Variants in FCAR observed in about 807,000 individuals in gnomAD.
FCAR encodes the protein Fc alpha receptor.
A neutral mutation model predicts 27.1 loss-of-function variants in FCAR; 21 were observed. The ratio of observed to expected loss-of-function variants is 0.77; its 90% CI spans 0.55 to 1.11. The LOEUF (loss-of-function observed/expected upper bound fraction) is 1.11. Among genes scored for constraint, FCAR ranks in the 50% most tolerant of loss-of-function variants. The pLI, the probability that FCAR is intolerant of heterozygous loss-of-function variation, is 0.00. For missense variants in FCAR, 404 were observed against 358.4 expected, an observed-to-expected ratio of 1.13 and a Z score of -1.03; for synonymous variants, 134 against 135.8, an observed-to-expected ratio of 0.99 and a Z score of 0.09.
At chr19:54,876,971 A>C (rs1309641477) in intron 2 of FCAR, among the ~76,000 whole-genome samples, 1 of 152,196 alleles carries the variant, frequency 6.6e-6, no homozygotes, top group Non-Finnish European at 1.5e-5. Context: ...GTGGTGGATT[A>C]GCTTTCTGAT....
rs59590774 is a variant in FCAR at position 54,881,880 on chromosome 19, CAAATAAATAAATAAAT to C, written c.71-3318_71-3303del. On this transcript the variant is annotated intron_variant, in intron 2 of 4. Coordinates refer to ENST00000355524, the MANE Select transcript of FCAR (RefSeq NM_002000.4). ...TGGGCGACAGAGCGAGACTCCGTCT[CAAATAAATAAATAAAT>C]AAATAAATAAATAAATAAATAAATA... Among the ~76,000 whole-genome samples the C allele has an allele frequency of 7.2e-3, 933 of 129,504 alleles. 5 individuals carry two copies. Among genetic ancestry groups the C allele is most frequent in the Non-Finnish European group, 9.5e-3 (582 of 61,396 alleles). 85.0% of individuals were successfully genotyped at this position (129,504 alleles called of 152,430 possible).
At chr19:54,877,077 C>G (rs1410028750) in intron 2 of FCAR, among the ~76,000 whole-genome samples, 1 of 152,146 alleles carries the variant, frequency 6.6e-6, no homozygotes, top group Non-Finnish European at 1.5e-5. Flanking sequence ...TGTTGTGTCT[C>G]TGCCATGTTT....
intron 3 of FCAR, among the ~76,000 whole-genome samples, chr19:54,885,961 C>T (rs2066695836): frequency 6.6e-6 from 1 of 151,618 alleles, no homozygotes; most frequent in African/African-American, 2.4e-5. Context: ...GAAAATGCAA[C>T]AATCGCTGGG....
At chr19:54,887,481 C>T (rs140740561) in intron 3 of FCAR, among the ~76,000 whole-genome samples, 7,046 of 151,644 alleles carry the variant, frequency 0.046, 210 homozygotes, top group Middle Eastern at 0.1. Context: ...ATTAGCTGGG[C>T]GTGGTGGCGG....
At chr19:54,881,906 AATAAATAAATAAATAAATAAATAAATTG>A (rs2066442918) in intron 2 of FCAR, among the ~76,000 whole-genome samples, 2 of 37,448 alleles carry the variant, frequency 5.3e-5, no homozygotes, top group African/African-American at 2.2e-4. Context: ...TAAATAAATA[AATAAATAAATAAATAAATAAATAAATTG>A]AAGCATGAAT....
intron 3 of FCAR, among the ~76,000 whole-genome samples, chr19:54,887,085 A>G (rs769610022): frequency 2.9e-3 from 441 of 149,636 alleles, no homozygotes; most frequent in Non-Finnish European, 4.6e-3. Flanking sequence ...AGAAGCCGAG[A>G]TGGGCAGATC....
At chr19:54,888,330 G>T in intron 4 of FCAR, 36 bp downstream of exon 4, 1 of 1,607,474 alleles carries the variant, frequency 6.2e-7, no homozygotes, top group Non-Finnish European at 8.5e-7. Context: ...TGTCTGGGTT[G>T]GCTGTCCAGG....
chr19:54,876,615 C>T (rs2066103082), intron 2 of FCAR, among the ~76,000 whole-genome samples: 1 of 152,040 alleles, frequency 6.6e-6, no homozygotes. Context: ...TGTGATGAAT[C>T]ATATTTAAGA....
chr19:54,887,250 C>T (rs947392601), intron 3 of FCAR, among the ~76,000 whole-genome samples: 2 of 152,120 alleles, frequency 1.3e-5, no homozygotes, highest in African/African-American at 2.4e-5. Context: ...GTCGAGGCTG[C>T]AGTGAGCCGT....
intron 3 of FCAR, among the ~76,000 whole-genome samples, chr19:54,887,006 TCGTGCC>T (rs2066768375): frequency 2.6e-5 from 4 of 152,038 alleles, no homozygotes; most frequent in Non-Finnish European, 4.4e-5. Context: ...ACACCGTGGC[TCGTGCC>T]TGTAATCCCA....
intron 2 of FCAR, among the ~76,000 whole-genome samples, chr19:54,884,201 G>C (rs1332611199): frequency 6.6e-6 from 1 of 152,214 alleles, no homozygotes; most frequent in Non-Finnish European, 1.5e-5. Context: ...GCCTTGTGGA[G>C]TAACGGCAGG....
intron 4 of FCAR, chr19:54,889,025 G>A (rs587695935): frequency 4.6e-5 from 15 of 325,216 alleles, no homozygotes; most frequent in Non-Finnish European, 5.2e-5. Flanking sequence ...CCAAGATCAC[G>A]CCATTGCACT....
At chr19:54,884,245 C>T (rs1321348067) in intron 2 of FCAR, among the ~76,000 whole-genome samples, 2 of 152,220 alleles carry the variant, frequency 1.3e-5, no homozygotes, top group East Asian at 1.9e-4. Flanking sequence ...GCACCATGCC[C>T]GTGGCCTCTG....
In FCAR at chr19:54,883,585, C is replaced by T. The variant is rs1041945855; in HGVS notation, c.71-1650C>T. 1.4e-4 allele frequency among the ~76,000 whole-genome samples: 22 copies of T among 152,236 alleles called. No homozygotes were observed. In the East Asian group the frequency reaches 3.9e-3, roughly 27 times the overall value. ...GAATGAGGGCTCCTCACGGCTTGGT[C>T]GCCACCTAACGTGGTGAGTCCTTCT... On this transcript the variant is annotated intron_variant, in intron 2 of 4. Transcript: ENST00000355524.
chr19:54,880,531 A>G (rs1569531550), intron 2 of FCAR, among the ~76,000 whole-genome samples: 1 of 152,052 alleles, frequency 6.6e-6, no homozygotes, highest in Non-Finnish European at 1.5e-5. Context: ...TTCTATCCAT[A>G]TTCTGAATTC....
chr19:54,883,340 C>T (rs1003727767), intron 2 of FCAR, among the ~76,000 whole-genome samples: 7 of 152,088 alleles, frequency 4.6e-5, no homozygotes, highest in African/African-American at 7.3e-5. Flanking sequence ...GTGACTCCCT[C>T]GCCTGGTCCA....
At chr19:54,878,873 G>C (rs1243685535) in intron 2 of FCAR, among the ~76,000 whole-genome samples, 1 of 93,866 alleles carries the variant, frequency 1.1e-5, no homozygotes, top group African/African-American at 4.4e-5. Context: ...GTTGAGTCTT[G>C]CTTTTTTTTT....
chr19:54,875,200 T>C, intron 1 of FCAR, 130 bp from the exon 2 acceptor site: 1 of 704,962 alleles, frequency 1.4e-6, no homozygotes, highest in Non-Finnish European at 2.4e-6. Flanking sequence ...AGCTCTTCTT[T>C]ATATATCTGG....
rs2066718728 is a variant in FCAR, at chr19:54,886,297, C to CTTTTT, written c.361+775_361+776insTTTTT. Reference sequence around the variant, plus strand: ...CACATTGCATTCAGGTGTCATGTATCTTTATTTTTTTTTTTTTTTTTTTTT... The same window carrying CTTTTT: ...CACATTGCATTCAGGTGTCATGTATCTTTTTTTTATTTTTTTTTTTTTTTTTTTTT... On this transcript the variant is annotated intron_variant, in intron 3 of 4. Transcript: ENST00000355524. Among the ~76,000 whole-genome samples the CTTTTT allele has an allele frequency of 2.1e-4, 17 of 80,084 alleles. 5 individuals are homozygous for CTTTTT. Among genetic ancestry groups the CTTTTT allele is most frequent in the African/African-American group, 2.3e-4 (4 of 17,602 alleles). The allele number at this position is 80,084 out of a possible 152,430, so 52.5% of individuals were successfully genotyped here. A position where few individuals can be genotyped will look rare whatever the true frequency, so the allele number is the denominator to read the frequency against.
Sources: gnomAD v4.1 joint callset for allele counts (sites outside exome capture counted in the v4.1 genomes callset) on GRCh38, gnomAD v4.1.1 for gene constraint, MANE v1.5 for transcripts, NCBI Gene and HGNC (gene_info 2026-07-23, HGNC 2026-07-21) for gene names.